CSMD1: variants seen among roughly 807,000 people sequenced by gnomAD.
CSMD1 encodes CUB and sushi domain-containing protein 1.
In CSMD1, 213 loss-of-function variants were observed where a neutral mutation model predicts 417.5. That is an observed-to-expected ratio of 0.51 (90% confidence interval 0.46 to 0.57). The LOEUF (loss-of-function observed/expected upper bound fraction) is 0.57, where lower values mean the gene tolerates loss of function less well. Among genes scored for constraint, CSMD1 ranks in the 20% least tolerant of loss-of-function variants. The pLI, the probability that CSMD1 is intolerant of heterozygous loss-of-function variation, is 0.00. For synonymous variants in CSMD1, 2,862 were observed against 1,736.8 expected (o/e 1.65, Z -16.11); for missense variants, 6,923 against 4,529.7 (o/e 1.53, Z -15.17).
chr8:4,063,660 G>A (rs963921766), intron 3 of CSMD1, among the ~76,000 whole-genome samples: 3 of 152,160 alleles, frequency 2.0e-5, no homozygotes, highest in African/African-American at 7.2e-5. Context: ...CCTCCCTGAG[G>A]GGCATTCTAC....
chr8:3,807,798 C>T (rs890458363), intron 5 of CSMD1, among the ~76,000 whole-genome samples: 4 of 152,130 alleles, frequency 2.6e-5, no homozygotes, highest in Non-Finnish European at 5.9e-5. Context: ...GTCATTCAGG[C>T]AGATGCACAG....
chr8:4,418,534 A>C (rs921748318), intron 3 of CSMD1, among the ~76,000 whole-genome samples: 3 of 151,648 alleles, frequency 2.0e-5, no homozygotes, highest in African/African-American at 7.2e-5. Context: ...AAAAATGCCA[A>C]GTTTTCTAAA....
chr8:4,739,985 C>G (rs1810501508), intron 1 of CSMD1, among the ~76,000 whole-genome samples: 1 of 152,154 alleles, frequency 6.6e-6, no homozygotes, highest in Non-Finnish European at 1.5e-5. Context: ...GGCCAGCCGC[C>G]TGCCCAGGCA....
At chr8:3,898,797 C>G (rs1247987627) in intron 5 of CSMD1, among the ~76,000 whole-genome samples, 4 of 152,180 alleles carry the variant, frequency 2.6e-5, no homozygotes, top group Non-Finnish European at 5.9e-5. Context: ...ACATTAACAT[C>G]TTCCCTAAAT....
intron 7 of CSMD1, chr8:3,704,763 C>G (rs576727488): frequency 5.3e-5 from 8 of 152,304 alleles, no homozygotes; most frequent in African/African-American, 1.9e-4. Context: ...AATTATCAAA[C>G]TGCAAGTTTC....
intron 3 of CSMD1, among the ~76,000 whole-genome samples, chr8:4,055,901 G>A (rs551116690): frequency 5.2e-4 from 79 of 152,088 alleles, no homozygotes; most frequent in African/African-American, 1.8e-3. Context: ...CAAATGATGA[G>A]TCATTAGTAT....
At chr8:4,465,321 G>T (rs951593339) in intron 2 of CSMD1, among the ~76,000 whole-genome samples, 6 of 152,040 alleles carry the variant, frequency 3.9e-5, no homozygotes, top group African/African-American at 1.2e-4. Flanking sequence ...TGAAGATGAC[G>T]GTCCCTGTGC....
chr8:4,352,248 T>C (rs767861482), intron 3 of CSMD1, among the ~76,000 whole-genome samples: 2 of 152,344 alleles, frequency 1.3e-5, no homozygotes, highest in Admixed American at 6.5e-5. Flanking sequence ...CATAAGGTTC[T>C]AAATGGAAAT....
intron 3 of CSMD1, among the ~76,000 whole-genome samples, chr8:4,274,887 G>A (rs1453750900): frequency 6.6e-6 from 1 of 152,078 alleles, no homozygotes; most frequent in South Asian, 2.1e-4. Context: ...CAAAAGGTTT[G>A]CTCACAGATA....
rs17325712 is a variant in CSMD1 at position 3,659,783 on chromosome 8, A to C, written c.1010-42986T>G. ...TACTGGTAAAGATCTTGAATTCCCAATACGCAATAGAACTGGGAAGTAAAA... is the reference window on the plus strand; with the variant it reads ...TACTGGTAAAGATCTTGAATTCCCACTACGCAATAGAACTGGGAAGTAAAA... On this transcript the variant is annotated intron_variant, in intron 7 of 69. Coordinates refer to ENST00000635120, the MANE Select transcript of CSMD1 (RefSeq NM_033225.6). Among the ~76,000 whole-genome samples the C allele has an allele frequency of 9.6e-3, 1,463 of 152,314 alleles. 12 individuals are homozygous for C. The highest frequency in any genetic ancestry group is 0.015 in the Non-Finnish European group (1,030 of 68,016).
chr8:4,387,692 C>T (rs753676325), intron 3 of CSMD1, among the ~76,000 whole-genome samples: 11 of 149,122 alleles, frequency 7.4e-5, no homozygotes, highest in Non-Finnish European at 1.6e-4. Context: ...TACAAAGAGA[C>T]AGCCTTGAGG....
intron 23 of CSMD1, among the ~76,000 whole-genome samples, chr8:3,321,815 G>A (rs1252749826): frequency 6.6e-6 from 1 of 152,136 alleles, no homozygotes; most frequent in African/African-American, 2.4e-5. Context: ...TCAAAATCGT[G>A]AAAATAAATG....
At chr8:4,383,156 T>G (rs1803214958) in intron 3 of CSMD1, among the ~76,000 whole-genome samples, 1 of 152,194 alleles carries the variant, frequency 6.6e-6, no homozygotes, top group African/African-American at 2.4e-5. Flanking sequence ...GTTTCAAAAT[T>G]TCTCACCTTA....
chr8:2,965,979 A>G (rs1477876019), intron 58 of CSMD1, 25 bp from the exon 59 acceptor site: 3 of 1,565,450 alleles, frequency 1.9e-6, no homozygotes, highest in Admixed American at 3.7e-5. Context: ...ACAGGAAAGA[A>G]TCAGAGAAAT....
Position 4,544,330 on chromosome 8 carries a change from T to G in CSMD1, c.302+93012A>C, listed in dbSNP as rs189857585. Among the ~76,000 whole-genome samples, 672 of 152,222 alleles carry G rather than the reference T, an allele frequency of 4.4e-3. 7 individuals are homozygous for G. The highest frequency in any genetic ancestry group is 0.015 in the African/African-American group (644 of 41,550). On this transcript the variant is annotated intron_variant, in intron 2 of 69. Coordinates refer to ENST00000635120, the MANE Select transcript of CSMD1 (RefSeq NM_033225.6). ...CAATATCTAAATTTATTTATTTAAT[T>G]TTGGTAGGTAGATGTCCAGTTGTTA... is the stretch of plus-strand genomic sequence containing the variant.
At chr8:4,420,122 G>A in intron 2 of CSMD1, 57 bp from the exon 3 acceptor site, 2 of 1,141,758 alleles carry the variant, frequency 1.8e-6, no homozygotes, top group Non-Finnish European at 2.5e-6. Context: ...GTCAAAAAAA[G>A]CTTATTTGAT....
chr8:4,165,139 A>C (rs902931531), intron 3 of CSMD1, among the ~76,000 whole-genome samples: 1 of 152,178 alleles, frequency 6.6e-6, no homozygotes, highest in East Asian at 1.9e-4. Context: ...ACAGGTATCT[A>C]TATTTCAGCC....
intron 41 of CSMD1, 147 bp from the exon 42 acceptor site, chr8:3,118,734 A>G (rs1317998612): frequency 1.6e-6 from 1 of 628,184 alleles, no homozygotes; most frequent in Non-Finnish European, 2.7e-6. Context: ...GTCAGTTGCC[A>G]TCCAGACCAA....
In CSMD1 at chr8:2,962,471, C is replaced by G; in HGVS notation, c.9623G>C (p.Cys3208Ser). ...DGTWSGIQPT[C>S]IDPAHNTCPD... ...AGCTGTATGATAATTATTACCAATG[C>G]AGGTGGGTTGTATGCCGCTCCACGT... Residue 3208 changes from cysteine to serine, a missense_variant, in exon 61 of 70, where the codon TGC (cysteine) becomes TCC (serine). By Grantham distance (112) the Cys-to-Ser change is moderately radical. Transcript: ENST00000635120. 6.2e-7 allele frequency: 1 copy of G among 1,612,910 alleles called. No homozygotes were observed. Among genetic ancestry groups the G allele is most frequent in the Non-Finnish European group, 8.5e-7 (1 of 1,179,150 alleles).
Sources: gnomAD v4.1 joint callset for allele counts (sites outside exome capture counted in the v4.1 genomes callset) on GRCh38, gnomAD v4.1.1 for gene constraint, MANE v1.5 for transcripts, NCBI Gene and HGNC (gene_info 2026-07-23, HGNC 2026-07-21) for gene names.